The following COL18A1 variants were observed in gnomAD, a reference collection of about 807,000 sequenced individuals.
COL18A1 encodes collagen alpha-1(XVIII) chain.
In COL18A1, 133 loss-of-function variants were observed where a neutral mutation model predicts 168.0. The observed-to-expected ratio is 0.79, with a 90% CI of 0.69 to 0.91. The LOEUF is 0.91. Ranked by LOEUF, COL18A1 falls within the 40% of genes least tolerant of loss-of-function variation. The pLI is 0.00. For synonymous variants in COL18A1, 949 were observed against 809.0 expected, an observed-to-expected ratio of 1.17 and a Z score of -2.94; for missense variants, 2,126 against 1,925.4, an observed-to-expected ratio of 1.10 and a Z score of -1.95.
chr21:45,476,636 GA>G (rs1761263112), intron 6 of COL18A1, among the ~76,000 whole-genome samples, 156 bp downstream of exon 6: 1 of 151,984 alleles, frequency 6.6e-6, no homozygotes, highest in South Asian at 2.1e-4. Context: ...GTGTTTGTGT[GA>G]AATATATGGC....
intron 2 of COL18A1, among the ~76,000 whole-genome samples, chr21:45,461,948 A>G (rs114496872): frequency 0.028 from 4,281 of 152,270 alleles, 207 homozygotes; most frequent in African/African-American, 0.097. Context: ...TCTGCAGGGC[A>G]GGTCTAGTGG....
chr21:45,458,493 C>T (rs1423350597), intron 2 of COL18A1, among the ~76,000 whole-genome samples: 2 of 152,126 alleles, frequency 1.3e-5, no homozygotes, highest in Admixed American at 6.5e-5. Context: ...CAGCCAGATT[C>T]CTGGGTCCCA....
At chr21:45,444,494 C>CCAGGATAGT (rs2034463068) in intron 2 of COL18A1, among the ~76,000 whole-genome samples, 1 of 152,080 alleles carries the variant, frequency 6.6e-6, no homozygotes, top group South Asian at 2.1e-4. Flanking sequence ...AATGCACATG[C>CCAGGATAGT]CAGGATAGTT....
intron 2 of COL18A1, among the ~76,000 whole-genome samples, chr21:45,458,372 G>A (rs1317416418): frequency 1.3e-4 from 19 of 151,550 alleles, no homozygotes; most frequent in Middle Eastern, 3.4e-3. Flanking sequence ...CCGTGCCCAC[G>A]GCTGTTGGCA....
At chr21:45,485,066 T>C (rs1355053920) in intron 15 of COL18A1, among the ~76,000 whole-genome samples, 1 of 150,640 alleles carries the variant, frequency 6.6e-6, no homozygotes, top group Non-Finnish European at 1.5e-5. Flanking sequence ...CACTGCAATC[T>C]CTGCCTCCCG....
intron 32 of COL18A1, among the ~76,000 whole-genome samples, chr21:45,503,665 TTG>T: frequency 6.8e-6 from 1 of 146,008 alleles, no homozygotes; most frequent in South Asian, 2.3e-4. Flanking sequence ...AGGGATAGCA[TTG>T]GGAGATATAC....
At chr21:45,455,457 G>C in intron 2 of COL18A1, 2 of 1,593,440 alleles carry the variant, frequency 1.3e-6, no homozygotes, top group South Asian at 2.2e-5. Flanking sequence ...GGGCAGGAGG[G>C]CGTGAGCCTG....
Position 45,507,586 on chromosome 21 carries a change from G to A in COL18A1, c.3242G>A (p.Arg1081Gln), listed in dbSNP as rs199583095. 7.4e-5 allele frequency: 119 copies of A among 1,613,058 alleles called. No individual in the cohort carries two copies. Among genetic ancestry groups the A allele is most frequent in the Admixed American group, 3.5e-4 (21 of 60,010 alleles). The change falls in exon 38 of 42, where the codon CGA (arginine) becomes CAA (glutamine). Residue 1081 changes from arginine to glutamine, a missense_variant. By Grantham distance (43) the Arg-to-Gln change is conservative. Transcript: ENST00000651438. Reference protein sequence around the residue: ...VQLEARTPLPRGTDNEVAALQ... With the variant: ...VQLEARTPLPQGTDNEVAALQ... ...CTGGAGGCCCGGACACCACTCCCAC[G>A]AGGGACGGTAAGGAGCCTTTTTTCT... is the stretch of plus-strand genomic sequence containing the variant.
chr21:45,431,398 G>A (rs1450802097), intron 2 of COL18A1, among the ~76,000 whole-genome samples: 3 of 144,618 alleles, frequency 2.1e-5, no homozygotes, highest in African/African-American at 5.2e-5. Flanking sequence ...GGGGAGGGGG[G>A]CAGGCAGGAC....
intron 2 of COL18A1, among the ~76,000 whole-genome samples, chr21:45,409,207 G>A (rs1284724246): frequency 6.6e-6 from 1 of 152,198 alleles, no homozygotes; most frequent in Non-Finnish European, 1.5e-5. Context: ...CGACAGGCCT[G>A]GCCAGGCCCA....
intron 2 of COL18A1, among the ~76,000 whole-genome samples, chr21:45,448,467 C>T (rs1294453531): frequency 2.0e-5 from 3 of 152,246 alleles, no homozygotes; most frequent in African/African-American, 4.8e-5. Context: ...AATCCACATG[C>T]AGTCCACACA....
At chr21:45,502,450 T>C (rs567815842) in intron 32 of COL18A1, 2 of 152,320 alleles carry the variant, frequency 1.3e-5, no homozygotes, top group Admixed American at 6.5e-5. Flanking sequence ...ACAAACAGCA[T>C]TTAAAGAACA....
chr21:45,447,081 G>A (rs1363239450), intron 2 of COL18A1, among the ~76,000 whole-genome samples: 1 of 152,026 alleles, frequency 6.6e-6, no homozygotes, highest in South Asian at 2.1e-4. Flanking sequence ...TCCCTATTGC[G>A]CCTTCTGTTT....
Position 45,476,353 on chromosome 21 carries a change from C to T in COL18A1, c.801C>T (p.Gly267=), listed in dbSNP as rs145912433. The T allele has an allele frequency of 3.2e-4, 522 of 1,613,972 alleles. No homozygotes were observed. Among genetic ancestry groups the T allele is most frequent in the Non-Finnish European group, 3.6e-4 (429 of 1,179,970 alleles). ...CCACCTCCCCTCTCGTCCTCCAGGG[C>T]GCGGCCCTAAAACCCAGGCTCCCCG... is the stretch of plus-strand genomic sequence containing the variant. ...DARELLREET[G]AALKPRLPAP... Residue 267 remains glycine (G), a splice_region_variant and synonymous_variant, in exon 6 of 42, where the codon GGC becomes GGT. Coordinates refer to ENST00000651438, the MANE Select transcript of COL18A1 (RefSeq NM_001379500.1).
chr21:45,476,380 G>A lies in COL18A1; in HGVS notation c.828G>A (p.Ala276=), dbSNP rs2230686. Residue 276 remains alanine, a synonymous_variant, in exon 6 of 42, where the codon GCG becomes GCA. Coordinates refer to ENST00000651438, the MANE Select transcript of COL18A1 (RefSeq NM_001379500.1). Reference sequence around the variant, plus strand: ...CGGCCCTAAAACCCAGGCTCCCCGCGCCACCCCCCGTCACCACGCCACCCT... The same window carrying A: ...CGGCCCTAAAACCCAGGCTCCCCGCACCACCCCCCGTCACCACGCCACCCT... ...TGAALKPRLP[A]PPPVTTPPLA... is the part of the protein sequence containing the mutation. The A allele has an allele frequency of 0.022, 34,761 of 1,613,908 alleles. 2,371 individuals are homozygous for A. The African/African-American group carries it at 0.22, about 10-fold the overall frequency.
intron 40 of COL18A1, 52 bp from the exon 41 acceptor site, chr21:45,511,059 C>T (rs1395821849): frequency 1.7e-5 from 13 of 743,810 alleles, no homozygotes; most frequent in Non-Finnish European, 2.6e-5. Context: ...AACACCCACA[C>T]CCATCCACAC....
intron 3 of COL18A1, among the ~76,000 whole-genome samples, chr21:45,472,750 T>C (rs1404995955): frequency 1.3e-5 from 2 of 152,150 alleles, no homozygotes; most frequent in Non-Finnish European, 2.9e-5. Context: ...TGAGAACCGC[T>C]GGTGCGTTTT....
chr21:45,466,101 T>C (rs1381899500), intron 2 of COL18A1, among the ~76,000 whole-genome samples: 2 of 152,172 alleles, frequency 1.3e-5, no homozygotes, highest in Non-Finnish European at 2.9e-5. Context: ...AAAGTCCGGC[T>C]TCTGGGAGAG....
intron 17 of COL18A1, among the ~76,000 whole-genome samples, chr21:45,488,139 C>T (rs929342623): frequency 1.3e-5 from 2 of 152,264 alleles, no homozygotes; most frequent in African/African-American, 2.4e-5. Context: ...GCTGAAGCCA[C>T]AGCGTCCAGC....
Sources: allele counts gnomAD v4.1 joint callset (sites outside exome capture counted in the v4.1 genomes callset), GRCh38; gene constraint gnomAD v4.1.1; transcripts MANE v1.5; gene names NCBI Gene and HGNC (gene_info 2026-07-23, HGNC 2026-07-21).